The following ZNF618 variants were observed in gnomAD, a reference collection of about 807,000 sequenced individuals.
ZNF618 encodes zinc finger protein 618.
Under a neutral mutation model 103.0 loss-of-function variants are expected in ZNF618, and 34 were observed. The observed-to-expected ratio is 0.33, with a 90% CI of 0.25 to 0.44. The LOEUF is 0.44. ZNF618 is among the 20% of genes least tolerant of loss of function. The probability of loss-of-function intolerance (pLI) is 1.00; values close to 1 mark genes in which losing one functional copy is unlikely to be tolerated. For missense variants in ZNF618, 1,059 were observed against 1,295.4 expected, an observed-to-expected ratio of 0.82 and a Z score of 2.80; for synonymous variants, 551 against 542.2, an observed-to-expected ratio of 1.02 and a Z score of -0.23.
intron 1 of ZNF618, among the ~76,000 whole-genome samples, chr9:113,946,085 G>A (rs774688283): frequency 3.0e-4 from 46 of 152,150 alleles, no homozygotes; most frequent in Admixed American, 2.6e-4. Context: ...CTAGAATAAT[G>A]CAAGGCCTTG....
At position 114,028,771 on chromosome 9, in the gene ZNF618, AC is replaced by A. The variant is rs1189144133; in HGVS notation, c.884del (p.Thr295ArgfsTer76). 6.4e-7 allele frequency: 1 copy of A among 1,550,570 alleles called. No individual in the cohort carries two copies. Among genetic ancestry groups the A allele is most frequent in the African/African-American group, 1.4e-5 (1 of 73,172 alleles). On this transcript the variant is annotated frameshift_variant, in exon 11 of 15. Transcript: ENST00000374126. LOFTEE classifies it high-confidence loss of function. Reference sequence around the variant, plus strand: ...GTGGGAGCCACCGGATGATCCAGACACGGGCTCTGAGTGTTCACATCCAGAG... The same window carrying A: ...GTGGGAGCCACCGGATGATCCAGACAGGGCTCTGAGTGTTCACATCCAGAG... ...PGWEPPDDPD[T>X]GSECSHPEVS...
chr9:114,021,180 TG>T (rs1054600377), intron 10 of ZNF618, among the ~76,000 whole-genome samples: 34 of 152,194 alleles, frequency 2.2e-4, no homozygotes, highest in African/African-American at 7.7e-4. Flanking sequence ...AGTTACAACC[TG>T]GGGATGATTA....
rs576493395 is a variant in ZNF618 at position 113,969,739 on chromosome 9, C to T, written c.77+579C>T. Among the ~76,000 whole-genome samples, 6 of 152,312 alleles carry T rather than the reference C, an allele frequency of 3.9e-5. No individual in the cohort carries two copies. In the East Asian group the frequency reaches 9.6e-4, roughly 24 times the overall value. ...CAGGCCCAAGCTGTGGACATCATGA[C>T]AGGTGTCACAGGTAGGTACTTGGTA... On this transcript the variant is annotated intron_variant, in intron 2 of 14. Transcript: ENST00000374126.
At chr9:113,971,011 G>A (rs1281916489) in intron 2 of ZNF618, among the ~76,000 whole-genome samples, 1 of 148,526 alleles carries the variant, frequency 6.7e-6, no homozygotes, top group Non-Finnish European at 1.5e-5. Context: ...TGTGGGAGAG[G>A]AGCAGGTAGA....
chr9:113,899,830 A>G (rs1466759853), intron 1 of ZNF618, among the ~76,000 whole-genome samples: 1 of 152,154 alleles, frequency 6.6e-6, no homozygotes, highest in Non-Finnish European at 1.5e-5. Context: ...GGGTTGAATA[A>G]TACTGTCATA....
intron 1 of ZNF618, among the ~76,000 whole-genome samples, chr9:113,950,812 C>T (rs1199856256): frequency 1.3e-5 from 2 of 151,854 alleles, no homozygotes; most frequent in African/African-American, 4.8e-5. Flanking sequence ...TCGAGAGGTT[C>T]CCTGGTGGAA....
intron 1 of ZNF618, among the ~76,000 whole-genome samples, chr9:113,930,731 G>A (rs1833507829): frequency 6.6e-6 from 1 of 152,162 alleles, no homozygotes; most frequent in South Asian, 2.1e-4. Context: ...GCTCAGCAGT[G>A]GTCTTTCTTT....
chr9:113,882,946 T>C (rs1298894919), intron 1 of ZNF618, among the ~76,000 whole-genome samples: 1 of 152,180 alleles, frequency 6.6e-6, no homozygotes, highest in African/African-American at 2.4e-5. Flanking sequence ...TCCCAAACAA[T>C]GTGGACCCAC....
intron 1 of ZNF618, among the ~76,000 whole-genome samples, chr9:113,880,425 A>T (rs757850648): frequency 6.6e-6 from 1 of 152,118 alleles, no homozygotes; most frequent in Non-Finnish European, 1.5e-5. Context: ...TTCATTTCTG[A>T]TTGTAACTCC....
intron 1 of ZNF618, among the ~76,000 whole-genome samples, chr9:113,920,814 A>G (rs1399069093): frequency 2.0e-5 from 3 of 152,270 alleles, no homozygotes; most frequent in African/African-American, 2.4e-5. Flanking sequence ...AGCCACATCA[A>G]TGACAGTTTG....
chr9:114,019,148 A>T (rs1842870451), intron 10 of ZNF618, among the ~76,000 whole-genome samples: 1 of 150,682 alleles, frequency 6.6e-6, no homozygotes, highest in African/African-American at 2.4e-5. Flanking sequence ...TGTTTTTAAG[A>T]TTCATATTTT....
chr9:114,032,700 G>C lies in ZNF618; in HGVS notation c.1140G>C (p.Glu380Asp). Residue 380 changes from glutamate to aspartate, a missense_variant, in exon 12 of 15, where the codon GAG becomes GAC. Physicochemically the swap from Glu to Asp is conservative, Grantham distance 45. This residue lies in a region of ZNF618 where 434 missense variants were observed against 476.0 expected (regional missense o/e 0.91). Coordinates refer to ENST00000374126, the MANE Select transcript of ZNF618 (RefSeq NM_001318042.2). ...GCAAAGCACAAAACCACTTTGAAGA[G>C]ACGAACAGCAGTTCGCAGAACTCCA... ...VEGKAQNHFE[E>D]TNSSSQNSSE... is the part of the protein sequence containing the mutation. The C allele has an allele frequency of 1.2e-6, 2 of 1,614,076 alleles. No individual in the cohort carries two copies. Among genetic ancestry groups the C allele is most frequent in the Non-Finnish European group, 1.7e-6 (2 of 1,179,902 alleles).
At chr9:113,930,724 C>T (rs371738990) in intron 1 of ZNF618, among the ~76,000 whole-genome samples, 7 of 152,324 alleles carry the variant, frequency 4.6e-5, no homozygotes, top group African/African-American at 1.7e-4. Flanking sequence ...CTTCCTCGCT[C>T]AGCAGTGGTC....
chr9:113,912,535 C>T (rs1016607632), intron 1 of ZNF618, among the ~76,000 whole-genome samples: 2 of 152,146 alleles, frequency 1.3e-5, no homozygotes, highest in African/African-American at 4.8e-5. Context: ...TCCCCGGAGC[C>T]AAAGGGGGAA....
intron 1 of ZNF618, among the ~76,000 whole-genome samples, chr9:113,915,904 C>G (rs1832026375): frequency 6.6e-6 from 1 of 152,130 alleles, no homozygotes. Flanking sequence ...TCCTCTGTTC[C>G]CAGCAAGGGC....
At chr9:113,950,911 G>A (rs75095795) in intron 1 of ZNF618, among the ~76,000 whole-genome samples, 5,942 of 151,496 alleles carry the variant, frequency 0.039, 170 homozygotes, top group Middle Eastern at 0.075. Flanking sequence ...TGGTGTGGCC[G>A]GACTGTCTAC....
In ZNF618 at chr9:114,016,299, A is replaced by C. The variant is rs972782278; in HGVS notation, c.755-396A>C. ...CCCGGGTGTGGCCACTGCAGAGGGC[A>C]GGGCTTGCAAAGGGGCTGACGAAGA... On this transcript the variant is annotated intron_variant, in intron 9 of 14. Transcript: ENST00000374126. 3.9e-6 allele frequency: 3 copies of C among 762,948 alleles called. No individual in the cohort carries two copies. In the African/African-American group the frequency reaches 5.3e-5, roughly 13 times the overall value. 47.3% of individuals were successfully genotyped at this position (762,948 alleles called of 1,614,324 possible). A position where few individuals can be genotyped will look rare whatever the true frequency, so the allele number is the denominator to read the frequency against.
At chr9:114,017,530 G>A (rs997412817) in intron 10 of ZNF618, among the ~76,000 whole-genome samples, 3 of 152,144 alleles carry the variant, frequency 2.0e-5, no homozygotes, top group African/African-American at 7.2e-5. Flanking sequence ...TGAGCTAGGG[G>A]GCCCATCAGC....
Position 114,049,945 on chromosome 9 carries a change from C to T in ZNF618, c.2643C>T (p.Pro881=). The T allele has an allele frequency of 6.2e-7, 1 of 1,613,932 alleles. No individual in the cohort carries two copies. Among genetic ancestry groups the T allele is most frequent in the Non-Finnish European group, 8.5e-7 (1 of 1,179,898 alleles). ...AAGTGTACGATTACCTGCAGGAGCC[C>T]CTCTTCCAGGCTACCCCTGATCTCT... is the stretch of plus-strand genomic sequence containing the variant. ...KNEVYDYLQE[P]LFQATPDLFQ... Residue 881 remains proline, a synonymous_variant, in exon 15 of 15, where the codon CCC becomes CCT. Transcript: ENST00000374126.
Sources: allele counts gnomAD v4.1 joint callset (sites outside exome capture counted in the v4.1 genomes callset), GRCh38; gene constraint gnomAD v4.1.1; regional missense constraint gnomAD v4.1.1; transcripts MANE v1.5; gene names NCBI Gene and HGNC (gene_info 2026-07-23, HGNC 2026-07-21).